Variants in NME7 observed in about 807,000 individuals in gnomAD.
NME7 encodes NME/NM23 family member 7.
NME7 carries 41 observed loss-of-function variants against 49.1 expected under a neutral mutation model. The observed-to-expected ratio is 0.83, with a 90% confidence interval of 0.65 to 1.08. The LOEUF (loss-of-function observed/expected upper bound fraction) is 1.08. Among genes scored for constraint, NME7 ranks in the 50% least tolerant of loss-of-function variants. The probability of loss-of-function intolerance (pLI) is 0.00; values close to 1 mark genes in which losing one functional copy is unlikely to be tolerated. For synonymous variants in NME7, 139 were observed against 150.6 expected, an observed-to-expected ratio of 0.92 and a Z score of 0.56; for missense variants, 423 against 463.4, an observed-to-expected ratio of 0.91 and a Z score of 0.80.
intron 11 of NME7, among the ~76,000 whole-genome samples, chr1:169,160,075 A>G (rs1474063429): frequency 6.6e-6 from 1 of 152,014 alleles, no homozygotes; most frequent in Non-Finnish European, 1.5e-5. Flanking sequence ...CATATCATCC[A>G]TTACCATGGA....
chr1:169,260,988 T>A lies in NME7; in HGVS notation c.755-23301A>T, dbSNP rs1355849428. Among the ~76,000 whole-genome samples the A allele has an allele frequency of 6.0e-5, 8 of 133,074 alleles. 2 individuals are homozygous for A. Among genetic ancestry groups the A allele is most frequent in the Non-Finnish European group, 1.4e-4 (8 of 56,574 alleles). The allele number at this position is 133,074 out of a possible 152,430, so 87.3% of individuals were successfully genotyped here. ...ACATAGAACCTACTGGGTCAACAAATGAATATTCCAAAGGCATGTGTGTCA... is the reference window on the plus strand; with the variant it reads ...ACATAGAACCTACTGGGTCAACAAAAGAATATTCCAAAGGCATGTGTGTCA... On this transcript the variant is annotated intron_variant, in intron 7 of 11. Coordinates refer to ENST00000367811, the MANE Select transcript of NME7 (RefSeq NM_013330.5).
intron 1 of NME7, among the ~76,000 whole-genome samples, chr1:169,359,335 C>A (rs1197077506): frequency 6.6e-6 from 1 of 151,328 alleles, no homozygotes; most frequent in Non-Finnish European, 1.5e-5. Flanking sequence ...GGATGCAGAA[C>A]CCATGGCTAC....
intron 10 of NME7, among the ~76,000 whole-genome samples, chr1:169,217,409 T>C (rs1661000886): frequency 6.6e-6 from 1 of 152,216 alleles, no homozygotes; most frequent in Non-Finnish European, 1.5e-5. Context: ...GATTATAAAA[T>C]ATTCCATTAA....
intron 1 of NME7, among the ~76,000 whole-genome samples, chr1:169,360,910 A>C (rs1653630081): frequency 6.6e-6 from 1 of 152,216 alleles, no homozygotes; most frequent in African/African-American, 2.4e-5. Flanking sequence ...ATCATCAAAG[A>C]GACTTTCCCT....
chr1:169,237,086 A>G (rs1033177284), intron 8 of NME7, among the ~76,000 whole-genome samples: 9 of 152,024 alleles, frequency 5.9e-5, no homozygotes, highest in African/African-American at 2.2e-4. Context: ...GAACAACGCA[A>G]TTTTGAACAA....
chr1:169,304,405 C>T (rs1391987855), intron 4 of NME7, among the ~76,000 whole-genome samples: 1 of 152,116 alleles, frequency 6.6e-6, no homozygotes, highest in Non-Finnish European at 1.5e-5. Flanking sequence ...ATATGCAATG[C>T]TTTTAAGATT....
chr1:169,148,595 C>G (rs571426850), intron 11 of NME7, among the ~76,000 whole-genome samples: 1 of 152,280 alleles, frequency 6.6e-6, no homozygotes, highest in Admixed American at 6.5e-5. Context: ...AATCAGTCAC[C>G]TAAGAGTTAC....
At chr1:169,149,050 T>C (rs1658835907) in intron 11 of NME7, among the ~76,000 whole-genome samples, 1 of 152,202 alleles carries the variant, frequency 6.6e-6, no homozygotes, top group Non-Finnish European at 1.5e-5. Flanking sequence ...TAGTTTTAAG[T>C]AATATTTAAC....
At chr1:169,281,985 C>T (rs758350393) in intron 7 of NME7, among the ~76,000 whole-genome samples, 34 of 152,138 alleles carry the variant, frequency 2.2e-4, no homozygotes, top group Non-Finnish European at 4.6e-4. Flanking sequence ...GAAGGATTCC[C>T]TCTTTTTCTA....
At chr1:169,314,142 A>C (rs1651518485) in intron 3 of NME7, among the ~76,000 whole-genome samples, 1 of 152,074 alleles carries the variant, frequency 6.6e-6, no homozygotes, top group Admixed American at 6.5e-5. Flanking sequence ...AGCAAAGGTA[A>C]AATAATCCCA....
intron 9 of NME7, among the ~76,000 whole-genome samples, chr1:169,233,934 C>G (rs1424295011): frequency 3.3e-5 from 5 of 150,030 alleles, no homozygotes; most frequent in Non-Finnish European, 7.4e-5. Context: ...TCCTTTGTTT[C>G]TTTCTTTCTT....
rs1393384036 is a variant in NME7 at position 169,276,064 on chromosome 1, G to A, written c.754+11239C>T. On this transcript the variant is annotated intron_variant, in intron 7 of 11. Coordinates refer to ENST00000367811, the MANE Select transcript of NME7 (RefSeq NM_013330.5). ...CTTGATCATGGTGGATAAGCTTTTT[G>A]ATGTGCTTGCTGGATTCAGTTTGCC... Among the ~76,000 whole-genome samples, 5 of 133,652 alleles carry A rather than the reference G, an allele frequency of 3.7e-5. 1 individual carries two copies. The East Asian group carries it at 1.0e-3, about 27-fold the overall frequency. The allele number at this position is 133,652 out of a possible 152,430, so 87.7% of individuals were successfully genotyped here.
chr1:169,242,749 C>A (rs978796876), intron 7 of NME7, among the ~76,000 whole-genome samples: 2 of 150,146 alleles, frequency 1.3e-5, no homozygotes, highest in Non-Finnish European at 3.0e-5. Context: ...CATACTAGAT[C>A]AGTTGTATTT....
intron 11 of NME7, among the ~76,000 whole-genome samples, chr1:169,163,169 A>G (rs1367520632): frequency 1.3e-5 from 2 of 152,208 alleles, no homozygotes; most frequent in East Asian, 1.9e-4. Context: ...ACTGCCTCTC[A>G]CAAGTATCAC....
intron 10 of NME7, among the ~76,000 whole-genome samples, chr1:169,207,790 C>T (rs10458388): frequency 0.09 from 13,628 of 151,836 alleles, 753 homozygotes; most frequent in Admixed American, 0.19. Context: ...AGATCTGATG[C>T]GGTGGGGAAG....
chr1:169,336,205 C>T (rs1275044433), intron 1 of NME7, among the ~76,000 whole-genome samples: 2 of 152,000 alleles, frequency 1.3e-5, no homozygotes, highest in East Asian at 3.8e-4. Flanking sequence ...TCTCGCTGGG[C>T]TCAGGAGTGA....
At chr1:169,337,409 C>T (rs1406667939) in intron 1 of NME7, among the ~76,000 whole-genome samples, 1 of 152,222 alleles carries the variant, frequency 6.6e-6, no homozygotes, top group Non-Finnish European at 1.5e-5. Flanking sequence ...CCCGGAACTC[C>T]AGCTGGCCCG....
Position 169,259,833 on chromosome 1 carries a change from G to T in NME7, c.755-22146C>A, listed in dbSNP as rs1282321240. Among the ~76,000 whole-genome samples the T allele has an allele frequency of 3.7e-5, 5 of 133,964 alleles. 1 individual carries two copies. The highest frequency in any genetic ancestry group is 1.3e-4 in the African/African-American group (5 of 39,642). The allele number at this position is 133,964 out of a possible 152,430, so 87.9% of individuals were successfully genotyped here. On this transcript the variant is annotated intron_variant, in intron 7 of 11. Transcript: ENST00000367811. ...AAGAATAACTTTTAAAAACGGAGAA[G>T]AAAGTCTGTGGCACAGACCTGTAAC...
At chr1:169,176,006 T>C (rs1348936882) in intron 10 of NME7, among the ~76,000 whole-genome samples, 2 of 152,198 alleles carry the variant, frequency 1.3e-5, no homozygotes, top group Admixed American at 6.5e-5. Context: ...CTTGTAATAC[T>C]AAACAGCACA....
Sources: gnomAD v4.1 joint callset for allele counts (sites outside exome capture counted in the v4.1 genomes callset) on GRCh38, gnomAD v4.1.1 for gene constraint, MANE v1.5 for transcripts, NCBI Gene and HGNC (gene_info 2026-07-23, HGNC 2026-07-21) for gene names.